The following PLCB4 variants were observed in gnomAD, a reference collection of about 807,000 sequenced individuals.
PLCB4 encodes the protein 1-phosphatidylinositol 4,5-bisphosphate phosphodiesterase beta-4.
Under a neutral mutation model 178.8 loss-of-function variants are expected in PLCB4, and 77 were observed. The observed-to-expected ratio is 0.43, with a 90% confidence interval of 0.36 to 0.52. PLCB4 has a LOEUF of 0.52. Ranked by LOEUF, PLCB4 falls within the 20% of genes least tolerant of loss-of-function variation. The pLI, the probability that PLCB4 is intolerant of heterozygous loss-of-function variation, is 0.00. For synonymous variants in PLCB4, 496 were observed against 490.8 expected, an observed-to-expected ratio of 1.01 and a Z score of -0.14; for missense variants, 1,024 against 1,453.4, an observed-to-expected ratio of 0.70 and a Z score of 4.80.
At chr20:9,388,871 A>G (rs1031025141) in intron 15 of PLCB4, among the ~76,000 whole-genome samples, 3 of 152,226 alleles carry the variant, frequency 2.0e-5, no homozygotes, top group African/African-American at 7.2e-5. Context: ...GAATTTGCAT[A>G]GCCAGGAAGA....
At chr20:9,168,956 C>T (rs926034025) in intron 2 of PLCB4, among the ~76,000 whole-genome samples, 2 of 99,292 alleles carry the variant, frequency 2.0e-5, no homozygotes, top group Non-Finnish European at 4.5e-5. Flanking sequence ...CGTTCAAGCT[C>T]AACACCCACC....
intron 32 of PLCB4, among the ~76,000 whole-genome samples, chr20:9,446,898 A>AAAC (rs374424140): frequency 2.5e-4 from 38 of 152,136 alleles, no homozygotes; most frequent in African/African-American, 4.3e-4. Context: ...AAAACAGAAC[A>AAAC]AACAACAACA....
intron 3 of PLCB4, among the ~76,000 whole-genome samples, chr20:9,262,264 A>G (rs2094305591): frequency 6.6e-6 from 1 of 152,196 alleles, no homozygotes; most frequent in African/African-American, 2.4e-5. Flanking sequence ...AAAGAGTATG[A>G]TAGCTCAACA....
chr20:9,402,490 G>A (rs1253715600), intron 20 of PLCB4, among the ~76,000 whole-genome samples: 3 of 152,196 alleles, frequency 2.0e-5, no homozygotes, highest in African/African-American at 7.2e-5. Context: ...TCAGTGAAAT[G>A]TGACACTACT....
At chr20:9,453,242 T>A in intron 32 of PLCB4, 105 bp from the exon 33 acceptor site, 2 of 680,388 alleles carry the variant, frequency 2.9e-6, no homozygotes, top group East Asian at 2.6e-5. Flanking sequence ...ATTCCTTGAC[T>A]TTCTAAATGA....
intron 3 of PLCB4, among the ~76,000 whole-genome samples, chr20:9,296,466 T>C (rs2094636389): frequency 6.6e-6 from 1 of 152,170 alleles, no homozygotes; most frequent in Non-Finnish European, 1.5e-5. Flanking sequence ...CTCAGGGATC[T>C]AGAACTAGAA....
intron 32 of PLCB4, among the ~76,000 whole-genome samples, chr20:9,447,533 CA>C (rs2042488777): frequency 6.6e-6 from 1 of 152,216 alleles, no homozygotes; most frequent in Non-Finnish European, 1.5e-5. Flanking sequence ...CCATCACTTC[CA>C]CCTCATTTTT....
intron 3 of PLCB4, among the ~76,000 whole-genome samples, chr20:9,303,044 C>T (rs1303970208): frequency 3.3e-5 from 5 of 152,002 alleles, no homozygotes; most frequent in Non-Finnish European, 7.4e-5. Flanking sequence ...ACTGGGATGG[C>T]CACCATGTTG....
chr20:9,366,959 C>T (rs73246653), intron 9 of PLCB4, among the ~76,000 whole-genome samples: 8,962 of 152,248 alleles, frequency 0.059, 866 homozygotes, highest in African/African-American at 0.2. Context: ...ACCAGGTCAC[C>T]GAGTGCGTAG....
chr20:9,136,445 A>G (rs2092385158), intron 2 of PLCB4, among the ~76,000 whole-genome samples: 1 of 152,096 alleles, frequency 6.6e-6, no homozygotes, highest in African/African-American at 2.4e-5. Context: ...TCCCACAGGA[A>G]AGGCAGGCAA....
At chr20:9,291,837 T>C (rs2094582709) in intron 3 of PLCB4, among the ~76,000 whole-genome samples, 1 of 152,202 alleles carries the variant, frequency 6.6e-6, no homozygotes, top group South Asian at 2.1e-4. Context: ...CGGATATCCT[T>C]AAGCTTGAAA....
chr20:9,114,354 G>A (rs1203950691), intron 2 of PLCB4, among the ~76,000 whole-genome samples: 3 of 152,022 alleles, frequency 2.0e-5, no homozygotes, highest in Non-Finnish European at 2.9e-5. Flanking sequence ...TAAGATGATG[G>A]CAATGTTGAG....
At chr20:9,305,820 G>A (rs1443630895) in intron 3 of PLCB4, among the ~76,000 whole-genome samples, 1 of 152,106 alleles carries the variant, frequency 6.6e-6, no homozygotes, top group Admixed American at 6.6e-5. Flanking sequence ...TTGTCTTACT[G>A]CATTTAGTGT....
chr20:9,293,095 A>AAG (rs1382356164), intron 3 of PLCB4, among the ~76,000 whole-genome samples: 23 of 151,406 alleles, frequency 1.5e-4, no homozygotes, highest in African/African-American at 5.6e-4. Flanking sequence ...AAGAAAGAAA[A>AAG]AGAGAGAGAG....
chr20:9,351,769 G>A (rs776900794), intron 7 of PLCB4, among the ~76,000 whole-genome samples: 1 of 152,146 alleles, frequency 6.6e-6, no homozygotes, highest in Non-Finnish European at 1.5e-5. Context: ...TTAGACAAAG[G>A]CTTCTTGATT....
chr20:9,174,587 A>C (rs2093123573), intron 2 of PLCB4, among the ~76,000 whole-genome samples: 1 of 151,774 alleles, frequency 6.6e-6, no homozygotes, highest in African/African-American at 2.4e-5. Context: ...TTGACTATTA[A>C]GCTCTTTAAA....
intron 28 of PLCB4, among the ~76,000 whole-genome samples, chr20:9,430,234 G>A (rs1214817945): frequency 1.3e-5 from 2 of 152,200 alleles, no homozygotes; most frequent in East Asian, 1.9e-4. Flanking sequence ...GAAGTATCTA[G>A]TTTGTTATAT....
chr20:9,434,431 A>G (rs1207596239), intron 28 of PLCB4, among the ~76,000 whole-genome samples: 1 of 152,092 alleles, frequency 6.6e-6, no homozygotes, highest in African/African-American at 2.4e-5. Flanking sequence ...CCTGGAGTAC[A>G]TTGGCACGAT....
intron 7 of PLCB4, among the ~76,000 whole-genome samples, chr20:9,340,836 C>T (rs967574469): frequency 1.3e-5 from 2 of 152,090 alleles, no homozygotes; most frequent in African/African-American, 4.8e-5. Context: ...GATTGTGAGG[C>T]TTACATGAGT....
Sources: gnomAD v4.1 joint callset for allele counts (sites outside exome capture counted in the v4.1 genomes callset) on GRCh38, gnomAD v4.1.1 for gene constraint, MANE v1.5 for transcripts, NCBI Gene and HGNC (gene_info 2026-07-23, HGNC 2026-07-21) for gene names.